SUMF1: variants seen among roughly 807,000 people sequenced by gnomAD.
SUMF1 encodes sulfatase modifying factor 1.
In SUMF1, 48 loss-of-function variants were observed where a neutral mutation model predicts 47.6. That is an observed-to-expected ratio of 1.01 (90% CI 0.80 to 1.28). SUMF1 has a LOEUF of 1.28. SUMF1 is among the 50% of genes most tolerant of loss of function. SUMF1 has a pLI of 0.00. For missense variants in SUMF1, 571 were observed against 485.4 expected (o/e 1.18, Z -1.66); for synonymous variants, 230 against 192.1 (o/e 1.20, Z -1.63).
intron 8 of SUMF1, among the ~76,000 whole-genome samples, chr3:4,310,602 C>A (rs747554621): frequency 1.4e-4 from 22 of 151,830 alleles, no homozygotes; most frequent in Non-Finnish European, 2.6e-4. Context: ...TCTATAAGTC[C>A]CTGAAGGATT....
At chr3:4,049,050 G>A (rs1211032568) in intron 9 of SUMF1, among the ~76,000 whole-genome samples, 1 of 152,082 alleles carries the variant, frequency 6.6e-6, no homozygotes, top group Non-Finnish European at 1.5e-5. Flanking sequence ...AAAGCCATGG[G>A]GAGCATGAAA....
chr3:4,283,305 C>T (rs1233968062), intron 8 of SUMF1, among the ~76,000 whole-genome samples: 2 of 152,176 alleles, frequency 1.3e-5, no homozygotes, highest in African/African-American at 4.8e-5. Flanking sequence ...TCATTTCATC[C>T]TTTTATTGTT....
At chr3:4,226,264 C>CTTTTTTTTTTTTTTTTTT (rs869300368) in intron 8 of SUMF1, among the ~76,000 whole-genome samples, 4 of 86,988 alleles carry the variant, frequency 4.6e-5, no homozygotes, top group African/African-American at 9.0e-5. Context: ...TTTTTTGTTT[C>CTTTTTTTTTTTTTTTTTT]TTTTTTTTTT....
At chr3:4,096,111 T>C (rs1692896967) in intron 8 of SUMF1, among the ~76,000 whole-genome samples, 1 of 152,164 alleles carries the variant, frequency 6.6e-6, no homozygotes, top group Non-Finnish European at 1.5e-5. Flanking sequence ...AAAGACTGTA[T>C]GGTCTTTAAG....
intron 8 of SUMF1, among the ~76,000 whole-genome samples, chr3:4,173,992 C>T (rs1403284938): frequency 6.6e-6 from 1 of 152,092 alleles, no homozygotes; most frequent in Non-Finnish European, 1.5e-5. Context: ...CAAACCTGCA[C>T]ATTCTGCACA....
intron 9 of SUMF1, among the ~76,000 whole-genome samples, chr3:4,046,281 C>T (rs73117894): frequency 0.1 from 15,830 of 152,036 alleles, 908 homozygotes; most frequent in Middle Eastern, 0.16. Context: ...AGCTTTCGTA[C>T]CTAAGAATCA....
At chr3:4,176,239 G>C (rs1694957802) in intron 8 of SUMF1, among the ~76,000 whole-genome samples, 1 of 152,118 alleles carries the variant, frequency 6.6e-6, no homozygotes, top group Non-Finnish European at 1.5e-5. Context: ...ATAATCATCA[G>C]ATTCACCAAG....
At chr3:4,445,070 T>C (rs938297954) in intron 3 of SUMF1, among the ~76,000 whole-genome samples, 1 of 152,210 alleles carries the variant, frequency 6.6e-6, no homozygotes, top group African/African-American at 2.4e-5. Context: ...GTGGTTTCTT[T>C]TAGGGCTGAT....
intron 8 of SUMF1, among the ~76,000 whole-genome samples, chr3:4,225,285 C>T (rs901225092): frequency 1.3e-5 from 2 of 152,144 alleles, no homozygotes; most frequent in Admixed American, 1.3e-4. Context: ...CTAAGTACCC[C>T]ACAGGCCTCA....
intron 8 of SUMF1, among the ~76,000 whole-genome samples, chr3:4,267,319 C>A (rs567332064): frequency 4.4e-4 from 67 of 152,248 alleles, no homozygotes; most frequent in Non-Finnish European, 8.4e-4. Context: ...CCTCCCTGTA[C>A]CTCTGGTAGA....
chr3:4,055,768 C>T (rs1468594164), intron 9 of SUMF1, among the ~76,000 whole-genome samples: 1 of 152,104 alleles, frequency 6.6e-6, no homozygotes, highest in Non-Finnish European at 1.5e-5. Context: ...CACACTTGGC[C>T]TAAAAATTTG....
intron 8 of SUMF1, among the ~76,000 whole-genome samples, chr3:4,261,821 C>A (rs13059260): frequency 6.6e-6 from 1 of 152,124 alleles, no homozygotes; most frequent in South Asian, 2.1e-4. Flanking sequence ...CTAGTGCCTG[C>A]GCTGCTGGCA....
At chr3:4,296,137 G>C (rs975026447) in intron 8 of SUMF1, among the ~76,000 whole-genome samples, 1 of 151,434 alleles carries the variant, frequency 6.6e-6, no homozygotes, top group Non-Finnish European at 1.5e-5. Context: ...AAACAATACT[G>C]GGTATGACTT....
At chr3:4,048,305 A>T (rs980905071) in intron 9 of SUMF1, among the ~76,000 whole-genome samples, 1 of 152,174 alleles carries the variant, frequency 6.6e-6, no homozygotes, top group Admixed American at 6.6e-5. Flanking sequence ...ACAAACATTT[A>T]ATAGCATATA....
chr3:4,237,453 T>A (rs1213720973), intron 8 of SUMF1, among the ~76,000 whole-genome samples: 2 of 152,162 alleles, frequency 1.3e-5, no homozygotes, highest in African/African-American at 4.8e-5. Flanking sequence ...TGTTCAGATC[T>A]TTTGCCCATT....
intron 8 of SUMF1, among the ~76,000 whole-genome samples, chr3:4,197,314 C>T (rs1041887629): frequency 2.6e-5 from 4 of 151,962 alleles, no homozygotes; most frequent in East Asian, 1.9e-4. Flanking sequence ...AATGTTTCAC[C>T]GTGTTGCCCA....
chr3:4,091,503 G>A (rs1692785966), intron 8 of SUMF1, among the ~76,000 whole-genome samples: 2 of 152,090 alleles, frequency 1.3e-5, no homozygotes. Flanking sequence ...TCTTCCTTCA[G>A]AAGACTTCTT....
intron 9 of SUMF1, among the ~76,000 whole-genome samples, chr3:4,037,779 A>G (rs1230550906): frequency 6.6e-6 from 1 of 152,104 alleles, no homozygotes; most frequent in African/African-American, 2.4e-5. Flanking sequence ...TCATCTCTAC[A>G]TGTGTGTGTT....
intron 8 of SUMF1, among the ~76,000 whole-genome samples, chr3:4,236,442 G>T (rs1285691171): frequency 6.6e-6 from 1 of 151,996 alleles, no homozygotes; most frequent in East Asian, 1.9e-4. Flanking sequence ...AGGAAAAGGG[G>T]GAAAATACAT....
Sources: gnomAD v4.1 joint callset for allele counts (sites outside exome capture counted in the v4.1 genomes callset) on GRCh38, gnomAD v4.1.1 for gene constraint, MANE v1.5 for transcripts, NCBI Gene and HGNC (gene_info 2026-07-23, HGNC 2026-07-21) for gene names.